PIK3R6: variants seen among roughly 807,000 people sequenced by gnomAD.
PIK3R6 encodes phosphoinositide-3-kinase regulatory subunit 6.
A neutral mutation model predicts 84.9 loss-of-function variants in PIK3R6; 91 were observed. The observed-to-expected ratio is 1.07, with a 90% CI of 0.90 to 1.28. The LOEUF is 1.28. Among genes scored for constraint, PIK3R6 ranks in the 50% most tolerant of loss-of-function variants. PIK3R6 has a pLI of 0.00. For synonymous variants in PIK3R6, 416 were observed against 411.4 expected (o/e 1.01, Z -0.13); for missense variants, 996 against 985.1 (o/e 1.01, Z -0.15).
intron 1 of PIK3R6, among the ~76,000 whole-genome samples, chr17:8,853,745 C>T (rs902513101): frequency 3.3e-5 from 5 of 151,778 alleles, no homozygotes; most frequent in East Asian, 3.9e-4. Context: ...GGGCAGGTCA[C>T]GAGGCCAGGA....
At chr17:8,864,816 C>T (rs1055268600) in intron 1 of PIK3R6, among the ~76,000 whole-genome samples, 2 of 152,106 alleles carry the variant, frequency 1.3e-5, no homozygotes, top group African/African-American at 2.4e-5. Flanking sequence ...GGATTACAGG[C>T]GTGAGCCACC....
intron 1 of PIK3R6, 102 bp from the exon 2 acceptor site, chr17:8,849,987 TG>T (rs2088905425): frequency 6.8e-6 from 4 of 587,178 alleles, no homozygotes; most frequent in South Asian, 2.9e-5. Flanking sequence ...TCTAGCACAC[TG>T]GGGGGAAGTC....
At chr17:8,827,380 T>G in intron 12 of PIK3R6, 86 bp from the exon 13 acceptor site, 2 of 1,445,368 alleles carry the variant, frequency 1.4e-6, no homozygotes, top group Non-Finnish European at 1.8e-6. Flanking sequence ...TGTGTGAATA[T>G]GGTCAAGTCA....
chr17:8,806,298 G>A (rs193074885), intron 18 of PIK3R6, among the ~76,000 whole-genome samples: 4 of 152,364 alleles, frequency 2.6e-5, no homozygotes, highest in Admixed American at 2.6e-4. Flanking sequence ...CATGGGGCCA[G>A]CTCTCTGACT....
At chr17:8,812,663 CAATGATAA>C (rs1353609773) in intron 18 of PIK3R6, among the ~76,000 whole-genome samples, 3 of 151,934 alleles carry the variant, frequency 2.0e-5, no homozygotes, top group Admixed American at 6.6e-5. Context: ...ATTGTTGCAT[CAATGATAA>C]AATTAAGGCA....
At chr17:8,827,772 G>GAC (rs2087989032) in intron 12 of PIK3R6, among the ~76,000 whole-genome samples, 1 of 105,266 alleles carries the variant, frequency 9.5e-6, no homozygotes, top group Non-Finnish European at 1.8e-5. Context: ...AGGAGAGAGA[G>GAC]AGAGAGAGAG....
chr17:8,860,903 CT>C (rs1158820980), intron 1 of PIK3R6, among the ~76,000 whole-genome samples: 1 of 132,220 alleles, frequency 7.6e-6, no homozygotes, highest in Non-Finnish European at 1.6e-5. Context: ...CTATTGGGCT[CT>C]TGAAAGCAGA....
chr17:8,861,733 G>T (rs1339097287), intron 1 of PIK3R6, among the ~76,000 whole-genome samples: 1 of 152,216 alleles, frequency 6.6e-6, no homozygotes, highest in African/African-American at 2.4e-5. Flanking sequence ...TGCAAGAGAA[G>T]TGATGCTGGC....
At chr17:8,822,320 T>A (rs1490994637) in intron 16 of PIK3R6, among the ~76,000 whole-genome samples, 1 of 152,114 alleles carries the variant, frequency 6.6e-6, no homozygotes, top group Non-Finnish European at 1.5e-5. Flanking sequence ...AGTTCAAGCC[T>A]CTGGTCAGCT....
chr17:8,812,522 A>C (rs1260435461), intron 18 of PIK3R6, among the ~76,000 whole-genome samples: 2 of 152,204 alleles, frequency 1.3e-5, no homozygotes, highest in Non-Finnish European at 2.9e-5. Context: ...AGTCTCAATA[A>C]ATTTTTTAAA....
chr17:8,819,935 ATATT>A lies in PIK3R6; in HGVS notation c.1880-741_1880-738del, dbSNP rs1239573602. Reference sequence around the variant, plus strand: ...ATATATATATTTTATATATATATATATATTTTTATATATATATATATTTTTTTTT... The same window carrying A: ...ATATATATATTTTATATATATATATATTTATATATATATATATTTTTTTTT... On this transcript the variant is annotated intron_variant, in intron 17 of 19. Coordinates refer to ENST00000619866, the MANE Select transcript of PIK3R6 (RefSeq NM_001010855.4). Among the ~76,000 whole-genome samples the A allele has an allele frequency of 2.0e-4, 23 of 116,138 alleles. No individual in the cohort carries two copies. The East Asian group carries it at 2.6e-3, about 13-fold the overall frequency. 76.2% of individuals were successfully genotyped at this position (116,138 alleles called of 152,430 possible).
chr17:8,834,010 G>C (rs2088359371), intron 8 of PIK3R6, among the ~76,000 whole-genome samples: 1 of 151,716 alleles, frequency 6.6e-6, no homozygotes, highest in Non-Finnish European at 1.5e-5. Flanking sequence ...GAAAAAATTA[G>C]CTGGGTGTGG....
intron 10 of PIK3R6, among the ~76,000 whole-genome samples, chr17:8,829,498 AC>A (rs1344919349): frequency 5.0e-5 from 6 of 120,498 alleles, no homozygotes; most frequent in Non-Finnish European, 8.7e-5. Context: ...ATACACACAC[AC>A]TGACACACAC....
intron 16 of PIK3R6, 109 bp downstream of exon 16, chr17:8,822,478 A>T: frequency 7.8e-7 from 1 of 1,276,442 alleles, no homozygotes; most frequent in Non-Finnish European, 1.1e-6. Flanking sequence ...CTTCAAGAAA[A>T]GGGGCAGAAG....
intron 1 of PIK3R6, among the ~76,000 whole-genome samples, chr17:8,855,165 C>G (rs938805944): frequency 8.6e-5 from 13 of 151,084 alleles, no homozygotes; most frequent in African/African-American, 2.9e-4. Context: ...TGGACTCTAG[C>G]CTGGGTGACA....
At chr17:8,828,218 G>A in intron 11 of PIK3R6, 28 bp from the exon 12 acceptor site, 3 of 1,607,808 alleles carry the variant, frequency 1.9e-6, no homozygotes, top group Non-Finnish European at 2.6e-6. Flanking sequence ...AGCAGAGGAG[G>A]TTAGGGGCGG....
At chr17:8,809,425 G>T (rs1311245309) in intron 18 of PIK3R6, among the ~76,000 whole-genome samples, 1 of 152,110 alleles carries the variant, frequency 6.6e-6, no homozygotes, top group East Asian at 1.9e-4. Flanking sequence ...ATTATGACAG[G>T]AACAAAACCT....
At chr17:8,813,058 T>C (rs938456326) in intron 18 of PIK3R6, among the ~76,000 whole-genome samples, 3 of 151,926 alleles carry the variant, frequency 2.0e-5, no homozygotes, top group Non-Finnish European at 4.4e-5. Flanking sequence ...ATGAGAAAGG[T>C]ATCATTACAA....
chr17:8,832,604 A>T (rs2151254119), intron 9 of PIK3R6, among the ~76,000 whole-genome samples: 1 of 142,708 alleles, frequency 7.0e-6, no homozygotes, highest in Non-Finnish European at 1.5e-5. Flanking sequence ...GGGTTTCCCC[A>T]TGTTGCCTAG....
Sources: allele counts gnomAD v4.1 joint callset (sites outside exome capture counted in the v4.1 genomes callset), GRCh38; gene constraint gnomAD v4.1.1; transcripts MANE v1.5; gene names NCBI Gene and HGNC (gene_info 2026-07-23, HGNC 2026-07-21).